Variants in COL5A2 observed in about 807,000 individuals in gnomAD.
The protein encoded by COL5A2 is collagen alpha-2(V) chain.
COL5A2 carries 23 observed loss-of-function variants against 208.2 expected under a neutral mutation model. The ratio of observed to expected loss-of-function variants is 0.11; its 90% confidence interval spans 0.08 to 0.16. COL5A2 has a LOEUF of 0.16. COL5A2 is among the 10% of genes least tolerant of loss of function. The pLI is 1.00. For missense variants in COL5A2, 1,590 were observed against 1,956.4 expected, an observed-to-expected ratio of 0.81 and a Z score of 3.53; for synonymous variants, 625 against 628.5, an observed-to-expected ratio of 0.99 and a Z score of 0.08.
rs1200108484 is a variant in COL5A2 at position 189,056,746 on chromosome 2, T to A, written c.2391+227A>T. On this transcript the variant is annotated intron_variant, in intron 35 of 53. Transcript: ENST00000374866. ...AGGGCCCCCATCCCCTTAAGGCACT[T>A]ATCTCATAGGCACAATAAATATGTT... 1.2e-5 allele frequency: 7 copies of A among 585,192 alleles called. No individual in the cohort carries two copies. In the South Asian group the frequency reaches 1.2e-4, roughly 10 times the overall value. 36.2% of individuals were successfully genotyped at this position (585,192 alleles called of 1,614,324 possible). A position where few individuals can be genotyped will look rare whatever the true frequency, so the allele number is the denominator to read the frequency against.
chr2:189,280,819 A>G, the COL5A2 span, among the ~76,000 whole-genome samples: 2 of 152,108 alleles, frequency 1.3e-5, no homozygotes, highest in Non-Finnish European at 1.5e-5. Flanking sequence ...ACAATTCTCA[A>G]TGGAGAAGAA....
chr2:189,376,085 C>T, the COL5A2 span, among the ~76,000 whole-genome samples: 232 of 152,218 alleles, frequency 1.5e-3, no homozygotes, highest in Middle Eastern at 3.4e-3. Context: ...AATATGACAC[C>T]TTGTTTTATT....
the COL5A2 span, among the ~76,000 whole-genome samples, chr2:189,269,290 C>T: frequency 1.3e-5 from 2 of 151,854 alleles, no homozygotes; most frequent in Non-Finnish European, 2.9e-5. Context: ...ACTTCCAATA[C>T]TATATTGGGC....
At chr2:189,312,274 C>T in the COL5A2 span, among the ~76,000 whole-genome samples, 5 of 152,080 alleles carry the variant, frequency 3.3e-5, no homozygotes, top group African/African-American at 4.8e-5. Flanking sequence ...GCCAGGTGGT[C>T]GTTCAGGCTT....
At chr2:189,360,874 G>A in the COL5A2 span, among the ~76,000 whole-genome samples, 5 of 151,664 alleles carry the variant, frequency 3.3e-5, no homozygotes, top group Admixed American at 6.6e-5. Context: ...GCAGTGTTTG[G>A]TTTTCTGTTC....
the COL5A2 span, among the ~76,000 whole-genome samples, chr2:189,374,779 T>G: frequency 2.6e-5 from 4 of 152,168 alleles, no homozygotes; most frequent in Non-Finnish European, 4.4e-5. Flanking sequence ...GAGCTAAAGA[T>G]TCTATGAATG....
chr2:189,201,445 A>T (rs1351138105), intron 1 of COL5A2, among the ~76,000 whole-genome samples: 1 of 152,060 alleles, frequency 6.6e-6, no homozygotes, highest in East Asian at 1.9e-4. Context: ...ATAAAATGAG[A>T]AACATGAAAG....
chr2:189,207,363 G>A (rs1205557243), intron 1 of COL5A2, among the ~76,000 whole-genome samples: 1 of 151,850 alleles, frequency 6.6e-6, no homozygotes, highest in Non-Finnish European at 1.5e-5. Context: ...AATAACTCAA[G>A]AAAAAAATTA....
At chr2:189,294,281 A>T in the COL5A2 span, among the ~76,000 whole-genome samples, 6 of 152,118 alleles carry the variant, frequency 3.9e-5, no homozygotes, top group Non-Finnish European at 8.8e-5. Flanking sequence ...CATAAAATAA[A>T]ATGAAAGCTA....
the COL5A2 span, among the ~76,000 whole-genome samples, chr2:189,363,550 A>G: frequency 6.6e-6 from 1 of 152,100 alleles, no homozygotes; most frequent in Admixed American, 6.6e-5. Context: ...TGTATTATTT[A>G]TCAATTTATT....
At chr2:189,393,603 A>G in the COL5A2 span, among the ~76,000 whole-genome samples, 5 of 152,140 alleles carry the variant, frequency 3.3e-5, no homozygotes, top group Admixed American at 1.3e-4. Flanking sequence ...GCTGTTTATA[A>G]CAGGGAGATT....
chr2:189,375,842 A>G, the COL5A2 span, among the ~76,000 whole-genome samples: 2 of 152,372 alleles, frequency 1.3e-5, no homozygotes, highest in South Asian at 2.1e-4. Context: ...GCATGTTAAC[A>G]AAGTTCCAAG....
At chr2:189,161,028 C>T (rs1688353611) in intron 1 of COL5A2, among the ~76,000 whole-genome samples, 1 of 151,424 alleles carries the variant, frequency 6.6e-6, no homozygotes, top group Non-Finnish European at 1.5e-5. Context: ...TGGGGTTGGT[C>T]AGGCTGGTCT....
At chr2:189,120,034 T>G (rs546892692) in intron 1 of COL5A2, among the ~76,000 whole-genome samples, 21 of 152,230 alleles carry the variant, frequency 1.4e-4, no homozygotes, top group African/African-American at 4.6e-4. Context: ...CATCCTAAAT[T>G]TGTCAATCTG....
chr2:189,179,169 A>C (rs1021753994), intron 1 of COL5A2, among the ~76,000 whole-genome samples: 60 of 152,162 alleles, frequency 3.9e-4, no homozygotes, highest in African/African-American at 1.4e-3. Context: ...CAGCCCACAG[A>C]ACAGAGCTCC....
chr2:189,377,280 A>G, the COL5A2 span, among the ~76,000 whole-genome samples: 3 of 152,168 alleles, frequency 2.0e-5, no homozygotes, highest in Non-Finnish European at 4.4e-5. Flanking sequence ...ATTTGTTAAG[A>G]CCCAGGTCAA....
At chr2:189,256,282 C>T in the COL5A2 span, among the ~76,000 whole-genome samples, 1 of 152,186 alleles carries the variant, frequency 6.6e-6, no homozygotes, top group Admixed American at 6.5e-5. Context: ...ATTGGAGGGA[C>T]AAGACTGAAA....
chr2:189,392,405 T>G, the COL5A2 span, among the ~76,000 whole-genome samples: 2 of 152,188 alleles, frequency 1.3e-5, no homozygotes, highest in Non-Finnish European at 2.9e-5. Context: ...ATTATCCTAG[T>G]CTTTCACAAT....
the COL5A2 span, among the ~76,000 whole-genome samples, chr2:189,346,274 TTC>T: frequency 6.6e-6 from 1 of 152,176 alleles, no homozygotes; most frequent in Non-Finnish European, 1.5e-5. Context: ...TTAGTTTGCT[TTC>T]TGTTTAATGG....
Sources: gnomAD v4.1 joint callset for allele counts (sites outside exome capture counted in the v4.1 genomes callset) on GRCh38, gnomAD v4.1.1 for gene constraint, MANE v1.5 for transcripts, NCBI Gene and HGNC (gene_info 2026-07-23, HGNC 2026-07-21) for gene names.